Variants in ARL15 observed in about 807,000 individuals in gnomAD.
ARL15 encodes ADP-ribosylation factor-like protein 15.
In ARL15, 19 loss-of-function variants were observed where a neutral mutation model predicts 25.2. The ratio of observed to expected loss-of-function variants is 0.75; its 90% CI spans 0.53 to 1.10. The LOEUF is 1.10. Ranked by LOEUF, ARL15 falls within the 50% of genes least tolerant of loss-of-function variation. ARL15 has a pLI of 0.00. For missense variants in ARL15, 220 were observed against 246.0 expected (o/e 0.89, Z 0.71); for synonymous variants, 94 against 86.8 (o/e 1.08, Z -0.46).
chr5:54,165,652 A>G (rs986853262), intron 2 of ARL15, among the ~76,000 whole-genome samples: 9 of 148,272 alleles, frequency 6.1e-5, no homozygotes, highest in South Asian at 2.1e-4. Context: ...TTCTCAAGAG[A>G]AAAAAAAAAC....
At chr5:54,133,309 T>C (rs1016434937) in intron 3 of ARL15, among the ~76,000 whole-genome samples, 2 of 152,128 alleles carry the variant, frequency 1.3e-5, no homozygotes, top group Non-Finnish European at 2.9e-5. Context: ...CTAAACCATA[T>C]TAAAGAGTCG....
At chr5:54,011,963 C>T (rs1017570025) in intron 4 of ARL15, among the ~76,000 whole-genome samples, 2 of 151,802 alleles carry the variant, frequency 1.3e-5, no homozygotes, top group Non-Finnish European at 2.9e-5. Context: ...GAGCTGAGAT[C>T]GCGCCACTGC....
At chr5:54,257,518 C>T (rs894199647) in intron 1 of ARL15, among the ~76,000 whole-genome samples, 6 of 152,190 alleles carry the variant, frequency 3.9e-5, no homozygotes, top group African/African-American at 1.4e-4. Flanking sequence ...GAAGCCCAGT[C>T]GTGCTTGTAG....
chr5:54,056,188 T>C (rs1425070423), intron 4 of ARL15, among the ~76,000 whole-genome samples: 1 of 152,214 alleles, frequency 6.6e-6, no homozygotes, highest in Non-Finnish European at 1.5e-5. Context: ...AAGTTCCATC[T>C]GAAACATGGG....
intron 1 of ARL15, among the ~76,000 whole-genome samples, chr5:54,214,532 A>G (rs953576721): frequency 1.3e-5 from 2 of 152,136 alleles, no homozygotes; most frequent in African/African-American, 4.8e-5. Context: ...CCAACATACA[A>G]TAGGAAAACA....
chr5:54,041,974 GT>G (rs1339441559), intron 4 of ARL15, among the ~76,000 whole-genome samples: 67 of 141,468 alleles, frequency 4.7e-4, no homozygotes, highest in South Asian at 9.1e-4. Flanking sequence ...TTTCGTTTTT[GT>G]TTTTTTTTTT....
At chr5:54,298,727 CA>C (rs1024984531) in intron 1 of ARL15, among the ~76,000 whole-genome samples, 14 of 152,150 alleles carry the variant, frequency 9.2e-5, no homozygotes, top group Admixed American at 7.9e-4. Context: ...GGTCATTTTC[CA>C]GTCATTATCT....
In ARL15 at chr5:54,188,351, G is replaced by A. The variant is rs138686550; in HGVS notation, c.49-16423C>T. On this transcript the variant is annotated intron_variant, in intron 1 of 4. Transcript: ENST00000504924. ...TAGAAAAGGACATTAGGCCTCATTTGCTTGGTGAATCTGTGGAAATAATTT... is the reference window on the plus strand; with the variant it reads ...TAGAAAAGGACATTAGGCCTCATTTACTTGGTGAATCTGTGGAAATAATTT... 3.3e-5 allele frequency among the ~76,000 whole-genome samples: 5 copies of A among 152,244 alleles called. No individual in the cohort carries two copies. The East Asian group carries it at 9.7e-4, about 29-fold the overall frequency.
At chr5:54,096,519 T>C (rs1003682739) in intron 4 of ARL15, among the ~76,000 whole-genome samples, 3 of 152,320 alleles carry the variant, frequency 2.0e-5, no homozygotes, top group East Asian at 3.9e-4. Context: ...CAAGTGATTT[T>C]CCTGCCTCAG....
intron 3 of ARL15, among the ~76,000 whole-genome samples, chr5:54,121,139 G>C (rs1454726189): frequency 1.3e-5 from 2 of 152,158 alleles, no homozygotes; most frequent in Non-Finnish European, 2.9e-5. Context: ...CCCTCACTTT[G>C]AGTGTTTTTT....
rs1295770517 is a variant in ARL15 at position 54,046,168 on chromosome 5, A to C, written c.462+67034T>G. 2.6e-5 allele frequency among the ~76,000 whole-genome samples: 4 copies of C among 152,180 alleles called. No homozygotes were observed. The East Asian group carries it at 7.7e-4, about 29-fold the overall frequency. On this transcript the variant is annotated intron_variant, in intron 4 of 4. Transcript: ENST00000504924. ...AAAGTATTCATAGTTCTTGACCATAAGGAACATACAATTGGATTAAAAATA... is the reference window on the plus strand; with the variant it reads ...AAAGTATTCATAGTTCTTGACCATACGGAACATACAATTGGATTAAAAATA...
rs34152775 is a variant in ARL15 at position 54,029,333 on chromosome 5, T to TACCACCACCACCACCACC, written c.462+83851_462+83868dup. Reference sequence around the variant, plus strand: ...CCACCACCACCACCACCACCACCACTACCACCACCACCACCACCACCACCA... The same window carrying TACCACCACCACCACCACC: ...CCACCACCACCACCACCACCACCACTACCACCACCACCACCACCACCACCACCACCACCACCACCACCA... On this transcript the variant is annotated intron_variant, in intron 4 of 4. Coordinates refer to ENST00000504924, the MANE Select transcript of ARL15 (RefSeq NM_019087.3). 2.1e-3 allele frequency among the ~76,000 whole-genome samples: 198 copies of TACCACCACCACCACCACC among 94,660 alleles called. 1 individual carries two copies. Among genetic ancestry groups the TACCACCACCACCACCACC allele is most frequent in the Admixed American group, 0.012 (106 of 8,648 alleles). The allele number at this position is 94,660 out of a possible 152,430, so 62.1% of individuals were successfully genotyped here.
At chr5:53,953,155 A>G (rs1001329501) in intron 4 of ARL15, among the ~76,000 whole-genome samples, 5 of 152,240 alleles carry the variant, frequency 3.3e-5, no homozygotes, top group African/African-American at 1.2e-4. Flanking sequence ...GCTGGGGTAT[A>G]GAAAGAAAAC....
intron 1 of ARL15, among the ~76,000 whole-genome samples, chr5:54,227,358 A>G (rs67332769): frequency 6.6e-6 from 1 of 152,036 alleles, no homozygotes; most frequent in Non-Finnish European, 1.5e-5. Context: ...CTAACACAAG[A>G]CCTAACCTCA....
intron 4 of ARL15, among the ~76,000 whole-genome samples, chr5:54,071,127 GCCGCTGCACTCTAGCCTAGATGA>G (rs1751404552): frequency 6.6e-6 from 1 of 151,330 alleles, no homozygotes; most frequent in Middle Eastern, 3.2e-3. Flanking sequence ...CCATGTTCGT[GCCGCTGCACTCTAGCCTAGATGA>G]CAACGTGAGA....
intron 1 of ARL15, among the ~76,000 whole-genome samples, chr5:54,295,802 C>A (rs1758451685): frequency 6.6e-6 from 1 of 152,190 alleles, no homozygotes; most frequent in African/African-American, 2.4e-5. Context: ...CCCAATGCTC[C>A]TTCCTCTACC....
At position 53,971,273 on chromosome 5, in the gene ARL15, T is replaced by C. The variant is rs367654924; in HGVS notation, c.463-84560A>G. 1.2e-4 allele frequency among the ~76,000 whole-genome samples: 19 copies of C among 152,244 alleles called. No homozygotes were observed. The East Asian group carries it at 3.1e-3, about 25-fold the overall frequency. On this transcript the variant is annotated intron_variant, in intron 4 of 4. Transcript: ENST00000504924. ...CTGTGGTCAGATGTTAGACAGACTA[T>C]CCAAACAGCTGGAAAAGATGTTGAT...
chr5:53,924,616 A>G (rs920908455), intron 4 of ARL15, among the ~76,000 whole-genome samples: 2 of 152,074 alleles, frequency 1.3e-5, no homozygotes, highest in Non-Finnish European at 2.9e-5. Flanking sequence ...TTCTCTTTCT[A>G]CTCAGTGCCA....
intron 3 of ARL15, among the ~76,000 whole-genome samples, chr5:54,139,164 T>A (rs1753696059): frequency 6.6e-6 from 1 of 152,138 alleles, no homozygotes; most frequent in Non-Finnish European, 1.5e-5. Flanking sequence ...CACTACTAGG[T>A]ATCTACCTAA....
Sources: gnomAD v4.1 joint callset for allele counts (sites outside exome capture counted in the v4.1 genomes callset) on GRCh38, gnomAD v4.1.1 for gene constraint, MANE v1.5 for transcripts, NCBI Gene and HGNC (gene_info 2026-07-23, HGNC 2026-07-21) for gene names.